MLPH: variants seen among roughly 807,000 people sequenced by gnomAD.
MLPH encodes the protein exophilin-3.
Under a neutral mutation model 72.1 loss-of-function variants are expected in MLPH, and 51 were observed. The ratio of observed to expected loss-of-function variants is 0.71; its 90% CI spans 0.56 to 0.89. MLPH has a LOEUF of 0.89. Among genes scored for constraint, MLPH ranks in the 40% least tolerant of loss-of-function variants. The probability of loss-of-function intolerance (pLI) is 0.00; values close to 1 mark genes in which losing one functional copy is unlikely to be tolerated. For synonymous variants in MLPH, 301 were observed against 310.1 expected (o/e 0.97, Z 0.31); for missense variants, 743 against 759.9 (o/e 0.98, Z 0.26).
intron 2 of MLPH, among the ~76,000 whole-genome samples, chr2:237,498,577 C>G (rs759162546): frequency 7.2e-5 from 11 of 152,246 alleles, no homozygotes; most frequent in African/African-American, 9.6e-5. Context: ...TCCCTCCAAG[C>G]TGTGCTGTGG....
At chr2:237,498,663 G>A (rs1350652648) in intron 2 of MLPH, among the ~76,000 whole-genome samples, 1 of 152,194 alleles carries the variant, frequency 6.6e-6, no homozygotes, top group Non-Finnish European at 1.5e-5. Context: ...GGAAGGGGAA[G>A]CCAGCACGTC....
At chr2:237,527,646 T>A in intron 8 of MLPH, 130 bp downstream of exon 8, 1 of 1,137,984 alleles carries the variant, frequency 8.8e-7, no homozygotes, top group Non-Finnish European at 1.3e-6. Flanking sequence ...CAAGCCTACT[T>A]AATGGAGATA....
intron 2 of MLPH, among the ~76,000 whole-genome samples, chr2:237,496,235 G>T (rs561639452): frequency 6.6e-6 from 1 of 152,304 alleles, no homozygotes; most frequent in East Asian, 1.9e-4. Flanking sequence ...CGAATGCAGA[G>T]AAATGGAAAA....
intron 5 of MLPH, among the ~76,000 whole-genome samples, chr2:237,519,395 G>C (rs912581420): frequency 1.3e-5 from 2 of 152,214 alleles, no homozygotes; most frequent in Non-Finnish European, 2.9e-5. Context: ...GCAGTGCCTG[G>C]AGTATTCCCT....
chr2:237,515,496 A>C (rs2079996201), intron 4 of MLPH, among the ~76,000 whole-genome samples: 1 of 152,216 alleles, frequency 6.6e-6, no homozygotes, highest in African/African-American at 2.4e-5. Context: ...AGATGAGGAT[A>C]GGATCCCCAC....
In MLPH at chr2:237,553,921, C is replaced by T. The variant is rs1308007563; in HGVS notation, c.*329C>T. The T allele has an allele frequency of 2.1e-6, 1 of 474,614 alleles. No homozygotes were observed. Among genetic ancestry groups the T allele is most frequent in the African/African-American group, 2.0e-5 (1 of 51,086 alleles). 29.4% of individuals were successfully genotyped at this position (474,614 alleles called of 1,614,324 possible). A position where few individuals can be genotyped will look rare whatever the true frequency, so the allele number is the denominator to read the frequency against. On this transcript the variant is annotated 3_prime_UTR_variant, in exon 16 of 16. Coordinates refer to ENST00000264605, the MANE Select transcript of MLPH (RefSeq NM_024101.7). ...AAGACCTTTATACTGTGATCTTTTA[C>T]CCCTTTCACTCTTGGCTTTCTTATG...
chr2:237,497,673 A>G (rs1031427311), intron 2 of MLPH, among the ~76,000 whole-genome samples: 1 of 151,270 alleles, frequency 6.6e-6, no homozygotes, highest in African/African-American at 2.4e-5. Flanking sequence ...AAATACCAGA[A>G]ATCCATGATG....
intron 9 of MLPH, among the ~76,000 whole-genome samples, chr2:237,539,313 G>A (rs766422512): frequency 9.8e-5 from 15 of 152,324 alleles, no homozygotes; most frequent in South Asian, 2.1e-4. Context: ...GACCGATCCC[G>A]GGGGCCTCGC....
rs1298502875 is a variant in MLPH, at chr2:237,490,205, C to T, written c.-25+2768C>T. The stretch of plus-strand genomic sequence containing the variant: ...CTAGGGCAGGCACAGAGCAGCCCTG[C>T]ACTCCTCATGGGTCTAGCATATTCT... On this transcript the variant is annotated intron_variant, in intron 1 of 15. Transcript: ENST00000264605. Among the ~76,000 whole-genome samples the T allele has an allele frequency of 3.3e-5, 5 of 152,128 alleles. No individual in the cohort carries two copies. In the East Asian group the frequency reaches 9.6e-4, roughly 29 times the overall value.
At chr2:237,535,519 A>G (rs1345458946) in intron 9 of MLPH, among the ~76,000 whole-genome samples, 1 of 152,014 alleles carries the variant, frequency 6.6e-6, no homozygotes, top group East Asian at 1.9e-4. Flanking sequence ...TTTGTGTCTG[A>G]GAGACAGGCA....
intron 5 of MLPH, 48 bp from the exon 6 acceptor site, chr2:237,519,862 C>T (rs1050201885): frequency 6.2e-7 from 1 of 1,613,542 alleles, no homozygotes; most frequent in Admixed American, 1.7e-5. Context: ...GGTCCTCTCC[C>T]TCAAGCTAGC....
At chr2:237,509,344 T>C (rs577505419) in intron 2 of MLPH, among the ~76,000 whole-genome samples, 2 of 152,328 alleles carry the variant, frequency 1.3e-5, no homozygotes, top group South Asian at 2.1e-4. Context: ...TCTTTCTTCC[T>C]GCTGTGCTGG....
At chr2:237,498,028 G>A (rs530533574) in intron 2 of MLPH, among the ~76,000 whole-genome samples, 38 of 152,298 alleles carry the variant, frequency 2.5e-4, no homozygotes, top group Admixed American at 4.6e-4. Flanking sequence ...GACCCAGCCC[G>A]AGGAAACTCA....
rs201726298 is a variant in MLPH at position 237,552,206 on chromosome 2, A to T, written c.1676-131A>T. 4.8e-4 allele frequency: 332 copies of T among 691,530 alleles called. 1 individual carries two copies. The East Asian group carries it at 9.0e-3, about 19-fold the overall frequency. 42.8% of individuals were successfully genotyped at this position (691,530 alleles called of 1,614,324 possible). ...GTAAATACTTTTTAAAAAATATGTG[A>T]TGTGGAAGCTTCTTAAAAGGGGATA... On this transcript the variant is annotated intron_variant, in intron 14 of 15. Coordinates refer to ENST00000264605, the MANE Select transcript of MLPH (RefSeq NM_024101.7).
chr2:237,545,185 GGGCACAGTGGTGAGT>G (rs2080881385), intron 12 of MLPH, among the ~76,000 whole-genome samples: 2 of 27,372 alleles, frequency 7.3e-5, no homozygotes, highest in East Asian at 8.1e-4. Context: ...GGTGAGTGGA[GGGCACAGTGGTGAGT>G]GGGGACAGTG....
intron 2 of MLPH, among the ~76,000 whole-genome samples, chr2:237,504,485 T>G (rs1440323150): frequency 1.3e-5 from 2 of 152,232 alleles, no homozygotes; most frequent in Non-Finnish European, 2.9e-5. Flanking sequence ...CCCAAAGTGC[T>G]GGGATTACAG....
At chr2:237,553,141 C>G (rs1248023577) in intron 15 of MLPH, 1 of 473,874 alleles carries the variant, frequency 2.1e-6, no homozygotes, top group South Asian at 1.5e-5. Context: ...CAGGAGGCAA[C>G]CAATCAGAGG....
At position 237,551,178 on chromosome 2, in the gene MLPH, C is replaced by T. The variant is rs74691294; in HGVS notation, c.1676-1159C>T. Among the ~76,000 whole-genome samples the T allele has an allele frequency of 8.7e-3, 1,328 of 152,354 alleles. 29 individuals carry two copies. The highest frequency in any genetic ancestry group is 0.03 in the African/African-American group (1,268 of 41,584). The stretch of plus-strand genomic sequence containing the variant: ...ATCCCGGGGTCTGTGGGGCCTCATG[C>T]GACTTCACTGCTCAGGAGTCGTGAT... On this transcript the variant is annotated intron_variant, in intron 14 of 15. Transcript: ENST00000264605.
intron 2 of MLPH, among the ~76,000 whole-genome samples, chr2:237,507,578 T>C (rs1164972562): frequency 2.6e-5 from 4 of 152,176 alleles, no homozygotes; most frequent in Non-Finnish European, 5.9e-5. Flanking sequence ...ACACATTTCA[T>C]ATGCACACCA....
Sources: allele counts gnomAD v4.1 joint callset (sites outside exome capture counted in the v4.1 genomes callset), GRCh38; gene constraint gnomAD v4.1.1; transcripts MANE v1.5; gene names NCBI Gene and HGNC (gene_info 2026-07-23, HGNC 2026-07-21).